ZNF680: variants seen among roughly 807,000 people sequenced by gnomAD.
ZNF680 encodes hypothetical protein FLJ90430.
A neutral mutation model predicts 12.1 loss-of-function variants in ZNF680; 6 were observed. The ratio of observed to expected loss-of-function variants is 0.49; its 90% CI spans 0.27 to 0.98. The LOEUF (loss-of-function observed/expected upper bound fraction) is 0.98. ZNF680 is among the 50% of genes least tolerant of loss of function. ZNF680 has a pLI of 0.12. For missense variants in ZNF680, 561 were observed against 616.3 expected, an observed-to-expected ratio of 0.91 and a Z score of 0.95; for synonymous variants, 170 against 199.3, an observed-to-expected ratio of 0.85 and a Z score of 1.24.
intron 1 of ZNF680, among the ~76,000 whole-genome samples, chr7:64,557,943 C>A (rs1562780017): frequency 6.6e-6 from 1 of 152,206 alleles, no homozygotes; most frequent in East Asian, 1.9e-4. Flanking sequence ...ATAATCTACA[C>A]CAAACCCCTA....
chr7:64,529,609 T>C (rs919205399), intron 3 of ZNF680, among the ~76,000 whole-genome samples: 1 of 151,654 alleles, frequency 6.6e-6, no homozygotes, highest in African/African-American at 2.4e-5. Context: ...GAAAAAATAA[T>C]AAGAAAATAT....
rs1791450349 is a variant in ZNF680, at chr7:64,520,095, AAACT to A, written c.*1062_*1065del. The A allele has an allele frequency of 6.6e-6, 1 of 151,878 alleles. No homozygotes were observed. The highest frequency in any genetic ancestry group is 2.1e-4 in the South Asian group (1 of 4,832). 9.4% of individuals were successfully genotyped at this position (151,878 alleles called of 1,614,324 possible). On this transcript the variant is annotated 3_prime_UTR_variant, in exon 4 of 4. Transcript: ENST00000309683. The stretch of plus-strand genomic sequence containing the variant: ...TCATGCATCACTCAATATGAAAAGT[AAACT>A]AACAGGGCCTCTCCACTTAGATTTT...
chr7:64,554,858 A>G (rs12113093), intron 1 of ZNF680, among the ~76,000 whole-genome samples: 34,226 of 151,992 alleles, frequency 0.23, 4,037 homozygotes, highest in South Asian at 0.28. Context: ...TGCGGAAGGC[A>G]GCGGGGCCCT....
At chr7:64,562,892 C>G in intron 1 of ZNF680, 33 bp downstream of exon 1, 2 of 1,613,226 alleles carry the variant, frequency 1.2e-6, no homozygotes, top group Admixed American at 3.3e-5. Flanking sequence ...CCAGCCCCTC[C>G]CCCTCTCTCG....
chr7:64,555,725 T>TTA (rs1787374165), intron 1 of ZNF680, among the ~76,000 whole-genome samples: 2 of 121,918 alleles, frequency 1.6e-5, no homozygotes, highest in South Asian at 2.3e-4. Flanking sequence ...TAAACCTTTG[T>TTA]AAAAAAAAAT....
chr7:64,503,447 T>G, the ZNF680 span, among the ~76,000 whole-genome samples: 3 of 150,110 alleles, frequency 2.0e-5, 1 homozygote, highest in South Asian at 6.3e-4. Flanking sequence ...ACAGCACGAT[T>G]TCGGCTCACT....
rs781537803 is a variant in ZNF680, at chr7:64,562,906, T to A, written c.30+19A>T. The A allele has an allele frequency of 5.0e-6, 8 of 1,613,164 alleles. No individual in the cohort carries two copies. The highest frequency in any genetic ancestry group is 1.7e-5 in the Admixed American group (1 of 59,872). Reference sequence around the variant, plus strand: ...ACCAGCCCCTCCCCCTCTCTCGGGGTGTCGGACCGCACTCTCACCATTTCT... The same window carrying A: ...ACCAGCCCCTCCCCCTCTCTCGGGGAGTCGGACCGCACTCTCACCATTTCT... On this transcript the variant is annotated intron_variant, in intron 1 of 3. Transcript: ENST00000309683.
chr7:64,523,909 T>A (rs995080059), intron 3 of ZNF680, among the ~76,000 whole-genome samples: 5 of 147,294 alleles, frequency 3.4e-5, no homozygotes, highest in Non-Finnish European at 5.9e-5. Context: ...CGAGACTCCA[T>A]CTCAAAAAAA....
intron 1 of ZNF680, among the ~76,000 whole-genome samples, chr7:64,559,420 C>T (rs950346401): frequency 2.6e-5 from 4 of 151,802 alleles, no homozygotes; most frequent in African/African-American, 9.7e-5. Flanking sequence ...AGTGACTCAG[C>T]AAGTCTGGAG....
intron 3 of ZNF680, among the ~76,000 whole-genome samples, chr7:64,524,400 G>A (rs1316040072): frequency 6.6e-6 from 1 of 152,014 alleles, no homozygotes; most frequent in African/African-American, 2.4e-5. Flanking sequence ...TAAGTGCTGG[G>A]ATTATAGGCA....
the ZNF680 span, among the ~76,000 whole-genome samples, chr7:64,513,645 TA>T: frequency 6.9e-6 from 1 of 144,226 alleles, no homozygotes; most frequent in Non-Finnish European, 1.5e-5. Flanking sequence ...TTCTTTTAAT[TA>T]AAAATTTTTT....
In ZNF680 at chr7:64,544,318, G is replaced by A. The variant is rs1179225818; in HGVS notation, c.145C>T (p.Leu49=). ...RKVMFENYRN[L]VFLGIAVSKP... is the part of the protein sequence containing the mutation. ...AAGTTATCCTCACCCAGGAAGACCA[G>A]GTTTCTGTAGTTCTCAAACATCACT... is the stretch of plus-strand genomic sequence containing the variant. The change falls in exon 2 of 4, where the codon CTG becomes TTG. Residue 49 remains leucine (L), a synonymous_variant. Transcript: ENST00000309683. The A allele has an allele frequency of 6.2e-7, 1 of 1,602,568 alleles. No homozygotes were observed. Among genetic ancestry groups the A allele is most frequent in the African/African-American group, 1.3e-5 (1 of 74,598 alleles).
rs752861421 is a variant in ZNF680, at chr7:64,522,206, T to G, written c.548A>C (p.Lys183Thr). 2 of 1,612,636 alleles carry G rather than the reference T, an allele frequency of 1.2e-6. No homozygotes were observed. ...AAATGATTTGCCACATTCTTTACATTTGAAAACCTTCTTTCCAGTATTTCT... is the reference window on the plus strand; with the variant it reads ...AAATGATTTGCCACATTCTTTACATGTGAAAACCTTCTTTCCAGTATTTCT... The part of the protein sequence containing the change: ...KKRNTGKKVF[K>T]CKECGKSFCM... Residue 183 changes from lysine (K) to threonine (T), a missense_variant, in exon 4 of 4, where the codon AAA (lysine) becomes ACA (threonine). Coordinates refer to ENST00000309683, the MANE Select transcript of ZNF680 (RefSeq NM_178558.5).
chr7:64,499,675 T>A, the ZNF680 span, among the ~76,000 whole-genome samples: 3 of 151,838 alleles, frequency 2.0e-5, no homozygotes, highest in Non-Finnish European at 2.9e-5. Flanking sequence ...ACCAAGGAGG[T>A]GGAGGTTGCA....
At chr7:64,537,952 C>A (rs1387599448) in intron 3 of ZNF680, among the ~76,000 whole-genome samples, 1 of 151,520 alleles carries the variant, frequency 6.6e-6, no homozygotes, top group Non-Finnish European at 1.5e-5. Flanking sequence ...AAAAAACAAA[C>A]AAAAACAGAA....
the ZNF680 span, among the ~76,000 whole-genome samples, chr7:64,514,317 T>G: frequency 6.6e-6 from 1 of 152,220 alleles, no homozygotes; most frequent in African/African-American, 2.4e-5. Flanking sequence ...AAGATTCTAA[T>G]GTCTAAATGT....
intron 1 of ZNF680, among the ~76,000 whole-genome samples, chr7:64,547,136 C>T (rs1786828999): frequency 2.7e-5 from 4 of 148,784 alleles, no homozygotes; most frequent in South Asian, 2.2e-4. Context: ...GCTTATAAAT[C>T]ACTTGATAAT....
chr7:64,557,818 G>A (rs968431346), intron 1 of ZNF680, among the ~76,000 whole-genome samples: 2 of 152,146 alleles, frequency 1.3e-5, no homozygotes, highest in East Asian at 1.9e-4. Context: ...CCCCGGAGGC[G>A]GAGGACAAAG....
intron 3 of ZNF680, chr7:64,526,550 G>A: frequency 2.3e-6 from 1 of 444,236 alleles, no homozygotes; most frequent in Non-Finnish European, 3.9e-6. Context: ...GCTAAAATGA[G>A]TCCATTATTT....
Sources: allele counts gnomAD v4.1 joint callset (sites outside exome capture counted in the v4.1 genomes callset), GRCh38; gene constraint gnomAD v4.1.1; transcripts MANE v1.5; gene names NCBI Gene and HGNC (gene_info 2026-07-23, HGNC 2026-07-21).